Variants in CCDC91 observed in about 807,000 individuals in gnomAD.
The protein encoded by CCDC91 is coiled-coil domain containing 91, also known as coiled-coil domain-containing protein 91.
A neutral mutation model predicts 63.2 loss-of-function variants in CCDC91; 48 were observed. That is an observed-to-expected ratio of 0.76 (90% confidence interval 0.60 to 0.97). The LOEUF (loss-of-function observed/expected upper bound fraction) is 0.97. CCDC91 is among the 50% of genes least tolerant of loss of function. The pLI is 0.00. For synonymous variants in CCDC91, 167 were observed against 165.8 expected, an observed-to-expected ratio of 1.01 and a Z score of -0.06; for missense variants, 500 against 494.6, an observed-to-expected ratio of 1.01 and a Z score of -0.10.
chr12:28,500,168 C>G (rs1450643837), intron 12 of CCDC91, among the ~76,000 whole-genome samples: 3 of 149,044 alleles, frequency 2.0e-5, no homozygotes, highest in Non-Finnish European at 4.5e-5. Context: ...TGTTCGTATC[C>G]TTCGCCCACT....
chr12:28,403,260 A>C (rs2139555691), intron 8 of CCDC91, among the ~76,000 whole-genome samples: 1 of 152,280 alleles, frequency 6.6e-6, no homozygotes, highest in Middle Eastern at 3.4e-3. Context: ...TTCACCAGCA[A>C]AGTTATCTGG....
chr12:28,315,454 C>T (rs1237797078), intron 6 of CCDC91, among the ~76,000 whole-genome samples: 4 of 151,966 alleles, frequency 2.6e-5, no homozygotes, highest in African/African-American at 9.7e-5. Flanking sequence ...GCATGAGCAC[C>T]ATACCTGACC....
At chr12:28,207,795 A>G (rs1470639225) in intron 1 of CCDC91, among the ~76,000 whole-genome samples, 9 of 152,206 alleles carry the variant, frequency 5.9e-5, no homozygotes, top group Non-Finnish European at 1.3e-4. Flanking sequence ...AAAAGGTTTA[A>G]GGACTCAATA....
chr12:28,515,152 C>A (rs1939807992), intron 12 of CCDC91, among the ~76,000 whole-genome samples: 1 of 151,682 alleles, frequency 6.6e-6, no homozygotes, highest in Non-Finnish European at 1.5e-5. Context: ...CCCAACTGTA[C>A]CACCAGTACT....
intron 8 of CCDC91, among the ~76,000 whole-genome samples, chr12:28,416,654 AGAAAGGGGGATTTTGTCCAAACCT>A (rs1947681270): frequency 6.6e-6 from 1 of 152,100 alleles, no homozygotes; most frequent in East Asian, 1.9e-4. Flanking sequence ...TGAGATATCA[AGAAAGGGGGATTTTGTCCAAACCT>A]ACTACTAAGT....
At chr12:28,266,227 T>A (rs187742335) in intron 3 of CCDC91, among the ~76,000 whole-genome samples, 17 of 152,136 alleles carry the variant, frequency 1.1e-4, no homozygotes, top group Admixed American at 4.6e-4. Context: ...ATATTTGCTA[T>A]GCTTCTGAAG....
intron 1 of CCDC91, among the ~76,000 whole-genome samples, chr12:28,207,183 G>A (rs1942920906): frequency 6.6e-6 from 1 of 152,170 alleles, no homozygotes; most frequent in Non-Finnish European, 1.5e-5. Context: ...AGAGTCTAAT[G>A]ATAGTAGAGA....
intron 6 of CCDC91, among the ~76,000 whole-genome samples, chr12:28,358,187 A>T (rs1943643874): frequency 6.6e-6 from 1 of 152,196 alleles, no homozygotes; most frequent in South Asian, 2.1e-4. Context: ...GTACCCAAAA[A>T]ATTTTTTTAA....
chr12:28,193,243 A>G (rs983338285), intron 1 of CCDC91, among the ~76,000 whole-genome samples: 5 of 152,072 alleles, frequency 3.3e-5, no homozygotes, highest in African/African-American at 1.2e-4. Context: ...ATATGTTTTC[A>G]TTTCTTTTGG....
At chr12:28,347,004 T>C (rs1942860023) in intron 6 of CCDC91, among the ~76,000 whole-genome samples, 1 of 152,192 alleles carries the variant, frequency 6.6e-6, no homozygotes, top group Non-Finnish European at 1.5e-5. Flanking sequence ...AGTTATGAGC[T>C]AGGAACTGGC....
chr12:28,443,567 A>T (rs1214282651), intron 8 of CCDC91, among the ~76,000 whole-genome samples: 1 of 152,102 alleles, frequency 6.6e-6, no homozygotes, highest in Admixed American at 6.5e-5. Flanking sequence ...GAAGCAACAG[A>T]TGGATGGCAG....
chr12:28,401,663 C>T (rs917839181), intron 8 of CCDC91, among the ~76,000 whole-genome samples: 3 of 152,156 alleles, frequency 2.0e-5, no homozygotes, highest in African/African-American at 7.2e-5. Context: ...ATTCAGTTAT[C>T]TCCACCTGGT....
At chr12:28,446,933 G>A (rs1347131974) in intron 8 of CCDC91, among the ~76,000 whole-genome samples, 1 of 152,164 alleles carries the variant, frequency 6.6e-6, no homozygotes, top group Non-Finnish European at 1.5e-5. Context: ...CTCCAAGAGT[G>A]GAACAATTTC....
chr12:28,306,635 C>G, intron 4 of CCDC91, 107 bp from the exon 5 acceptor site: 1 of 732,280 alleles, frequency 1.4e-6, no homozygotes, highest in Admixed American at 3.1e-5. Context: ...GGAACCTTTT[C>G]AACAACTTAA....
At chr12:28,304,041 C>T (rs926374918) in intron 3 of CCDC91, among the ~76,000 whole-genome samples, 11 of 151,834 alleles carry the variant, frequency 7.2e-5, no homozygotes, top group Admixed American at 2.6e-4. Flanking sequence ...ATACCAAGTA[C>T]AAACATCAAT....
chr12:28,326,313 A>G (rs1940989777), intron 6 of CCDC91, among the ~76,000 whole-genome samples: 1 of 151,762 alleles, frequency 6.6e-6, no homozygotes, highest in African/African-American at 2.4e-5. Context: ...ATTTTTTATT[A>G]TACATCTTTT....
At chr12:28,302,428 TCATTTTGAGCTACCTATTATTTCCC>T (rs1472523943) in intron 3 of CCDC91, among the ~76,000 whole-genome samples, 1 of 152,114 alleles carries the variant, frequency 6.6e-6, no homozygotes, top group Admixed American at 6.6e-5. Context: ...CTGTATAACA[TCATTTTGAGCTACCTATTATTTCCC>T]CATTTTCACA....
chr12:28,272,024 T>TA (rs1279411430), intron 3 of CCDC91, among the ~76,000 whole-genome samples: 1 of 151,780 alleles, frequency 6.6e-6, no homozygotes, highest in African/African-American at 2.4e-5. Context: ...AATTGACAGT[T>TA]ATTTCTTTGG....
intron 11 of CCDC91, among the ~76,000 whole-genome samples, chr12:28,470,265 T>C (rs111552961): frequency 3.3e-5 from 5 of 152,120 alleles, no homozygotes; most frequent in African/African-American, 9.6e-5. Context: ...AGTTAAAAAA[T>C]AGAGAAAATA....
Sources: allele counts gnomAD v4.1 joint callset (sites outside exome capture counted in the v4.1 genomes callset), GRCh38; gene constraint gnomAD v4.1.1; transcripts MANE v1.5; gene names NCBI Gene and HGNC (gene_info 2026-07-23, HGNC 2026-07-21).